ST6GALNAC3: variants seen among roughly 807,000 people sequenced by gnomAD.
The protein encoded by ST6GALNAC3 is ST6 N-acetylgalactosaminide alpha-2,6-sialyltransferase 3.
Under a neutral mutation model 32.7 loss-of-function variants are expected in ST6GALNAC3, and 25 were observed. The ratio of observed to expected loss-of-function variants is 0.76; its 90% CI spans 0.56 to 1.07. The LOEUF (loss-of-function observed/expected upper bound fraction) is 1.07, where lower values mean the gene tolerates loss of function less well. ST6GALNAC3 is among the 50% of genes least tolerant of loss of function. ST6GALNAC3 has a pLI of 0.00. For synonymous variants in ST6GALNAC3, 129 were observed against 133.1 expected (o/e 0.97, Z 0.21); for missense variants, 355 against 382.4 (o/e 0.93, Z 0.60).
intron 3 of ST6GALNAC3, among the ~76,000 whole-genome samples, chr1:76,431,369 C>T (rs4949717): frequency 0.74 from 112,297 of 152,084 alleles, 41,911 homozygotes; most frequent in Admixed American, 0.79. Flanking sequence ...ATAATTTTTA[C>T]TTTATTTTTA....
intron 1 of ST6GALNAC3, among the ~76,000 whole-genome samples, chr1:76,310,381 T>A (rs1646738373): frequency 6.6e-6 from 1 of 152,106 alleles, no homozygotes; most frequent in Non-Finnish European, 1.5e-5. Flanking sequence ...ATTAGAAGCT[T>A]AAATGAGGTA....
intron 1 of ST6GALNAC3, among the ~76,000 whole-genome samples, chr1:76,217,360 A>T (rs1655523947): frequency 6.6e-6 from 1 of 152,218 alleles, no homozygotes; most frequent in African/African-American, 2.4e-5. Context: ...TATTTCTAAC[A>T]TGATGACATA....
chr1:76,114,661 C>T (rs1012074438), intron 1 of ST6GALNAC3, among the ~76,000 whole-genome samples: 8 of 152,120 alleles, frequency 5.3e-5, no homozygotes. Context: ...GTAGGTTTCT[C>T]ACTTTGGGAG....
intron 1 of ST6GALNAC3, among the ~76,000 whole-genome samples, chr1:76,311,415 T>C (rs570110330): frequency 6.6e-6 from 1 of 152,302 alleles, no homozygotes; most frequent in South Asian, 2.1e-4. Context: ...TTTGTCCTAA[T>C]GCTCTCCCTC....
At position 76,467,352 on chromosome 1, in the gene ST6GALNAC3, T is replaced by C. The variant is rs538698781; in HGVS notation, c.623+54935T>C. Among the ~76,000 whole-genome samples the C allele has an allele frequency of 2.0e-5, 3 of 152,074 alleles. No homozygotes were observed. The South Asian group carries it at 6.2e-4, about 32-fold the overall frequency. ...GAAGGGGCTCTATCCCAAAGAGCCA[T>C]AGGACAGAAGAAAATGTGAATATAG... On this transcript the variant is annotated intron_variant, in intron 3 of 4. Coordinates refer to ENST00000328299, the MANE Select transcript of ST6GALNAC3 (RefSeq NM_152996.4).
intron 1 of ST6GALNAC3, among the ~76,000 whole-genome samples, chr1:76,288,725 TAGAG>T (rs991143256): frequency 1.3e-5 from 2 of 152,058 alleles, no homozygotes; most frequent in African/African-American, 2.4e-5. Flanking sequence ...CTTGGATGAA[TAGAG>T]AGAAGAACAT....
At chr1:76,525,267 C>G (rs151179893) in intron 3 of ST6GALNAC3, among the ~76,000 whole-genome samples, 3 of 152,114 alleles carry the variant, frequency 2.0e-5, no homozygotes, top group East Asian at 1.9e-4. Context: ...GTGAAGACGT[C>G]TAGGAACACT....
Position 76,509,761 on chromosome 1 carries a change from T to C in ST6GALNAC3, c.623+97344T>C, listed in dbSNP as rs995689742. On this transcript the variant is annotated intron_variant, in intron 3 of 4. Coordinates refer to ENST00000328299, the MANE Select transcript of ST6GALNAC3 (RefSeq NM_152996.4). The surrounding 1 kb of genome is among the most constrained non-coding windows in gnomAD (Gnocchi z 5.5). The stretch of plus-strand genomic sequence containing the variant: ...CTACATCCTTGGCTCACGGCCCCAC[T>C]CCACCAATTTCTGCTTCCATTCTCA... Among the ~76,000 whole-genome samples, 19 of 152,168 alleles carry C rather than the reference T, an allele frequency of 1.2e-4. No individual in the cohort carries two copies. The highest frequency in any genetic ancestry group is 4.3e-4 in the African/African-American group (18 of 41,444).
At chr1:76,247,590 C>T (rs558218714) in intron 1 of ST6GALNAC3, among the ~76,000 whole-genome samples, 1 of 152,140 alleles carries the variant, frequency 6.6e-6, no homozygotes, top group African/African-American at 2.4e-5. Context: ...GAATTCAGCC[C>T]AGTCCAAACC....
chr1:76,553,743 C>G (rs1178269190), intron 3 of ST6GALNAC3, among the ~76,000 whole-genome samples: 1 of 152,134 alleles, frequency 6.6e-6, no homozygotes, highest in Non-Finnish European at 1.5e-5. Context: ...TTTTGTAGAT[C>G]TGATGCTAAG....
intron 3 of ST6GALNAC3, among the ~76,000 whole-genome samples, chr1:76,603,884 A>G (rs1647362072): frequency 6.6e-6 from 1 of 152,198 alleles, no homozygotes; most frequent in South Asian, 2.1e-4. Flanking sequence ...CACATTACCT[A>G]TAGTCCTTCA....
intron 1 of ST6GALNAC3, among the ~76,000 whole-genome samples, chr1:76,263,402 G>C (rs905013099): frequency 3.3e-5 from 5 of 151,850 alleles, no homozygotes; most frequent in Admixed American, 2.6e-4. Context: ...TTTTTATATG[G>C]GTATCAAGTC....
intron 1 of ST6GALNAC3, among the ~76,000 whole-genome samples, chr1:76,128,847 C>T (rs1649421926): frequency 6.6e-6 from 1 of 152,186 alleles, no homozygotes; most frequent in Non-Finnish European, 1.5e-5. Context: ...AAGGAAGAGT[C>T]TAGTGGATAC....
chr1:76,490,436 ATATATAC>A (rs994563535), intron 3 of ST6GALNAC3, among the ~76,000 whole-genome samples: 2 of 149,162 alleles, frequency 1.3e-5, no homozygotes, highest in Admixed American at 1.3e-4. Context: ...ATAGTATATG[ATATATAC>A]TTATATGTTA....
At chr1:76,191,400 G>C (rs1653889144) in intron 1 of ST6GALNAC3, among the ~76,000 whole-genome samples, 1 of 152,092 alleles carries the variant, frequency 6.6e-6, no homozygotes, top group South Asian at 2.1e-4. Flanking sequence ...GATGGGGAGA[G>C]GATGGTCAAC....
At chr1:76,242,054 A>G (rs1656995096) in intron 1 of ST6GALNAC3, among the ~76,000 whole-genome samples, 1 of 152,192 alleles carries the variant, frequency 6.6e-6, no homozygotes, top group East Asian at 1.9e-4. Flanking sequence ...TAAAAATCAT[A>G]TATGCATAGT....
intron 3 of ST6GALNAC3, among the ~76,000 whole-genome samples, chr1:76,606,150 C>T (rs1317333973): frequency 2.0e-5 from 3 of 152,090 alleles, no homozygotes; most frequent in Non-Finnish European, 4.4e-5. Context: ...TTGTGGAAGA[C>T]AGTGGGGTGA....
intron 1 of ST6GALNAC3, among the ~76,000 whole-genome samples, chr1:76,201,461 G>T (rs910148731): frequency 6.6e-6 from 1 of 152,154 alleles, no homozygotes; most frequent in Non-Finnish European, 1.5e-5. Flanking sequence ...GGGAATTATG[G>T]GAGCTACAAT....
intron 3 of ST6GALNAC3, among the ~76,000 whole-genome samples, chr1:76,612,196 T>C (rs913638710): frequency 2.6e-5 from 4 of 152,196 alleles, no homozygotes; most frequent in African/African-American, 9.7e-5. Flanking sequence ...TGAGGCCGGT[T>C]CCCTGGGACC....
Sources: gnomAD v4.1 joint callset for allele counts (sites outside exome capture counted in the v4.1 genomes callset) on GRCh38, gnomAD v4.1.1 for gene constraint, Gnocchi (gnomAD v3.1) non-coding constraint, MANE v1.5 for transcripts, NCBI Gene and HGNC (gene_info 2026-07-23, HGNC 2026-07-21) for gene names.